The following HNRNPLL variants were observed in gnomAD, a reference collection of about 807,000 sequenced individuals.
HNRNPLL encodes heterogeneous nuclear ribonucleoprotein L like, also known as heterogeneous nuclear ribonucleoprotein L-like.
In HNRNPLL, 25 loss-of-function variants were observed where a neutral mutation model predicts 67.1. The observed-to-expected ratio is 0.37, with a 90% confidence interval of 0.27 to 0.52. The LOEUF (loss-of-function observed/expected upper bound fraction) is 0.52, where lower values mean the gene tolerates loss of function less well. HNRNPLL is among the 20% of genes least tolerant of loss of function. The pLI, the probability that HNRNPLL is intolerant of heterozygous loss-of-function variation, is 0.90. For missense variants in HNRNPLL, 542 were observed against 673.9 expected, an observed-to-expected ratio of 0.80 and a Z score of 2.17; for synonymous variants, 267 against 241.7, an observed-to-expected ratio of 1.10 and a Z score of -0.97.
intron 2 of HNRNPLL, among the ~76,000 whole-genome samples, chr2:38,588,459 G>A (rs1488597530): frequency 1.4e-5 from 2 of 146,694 alleles, no homozygotes; most frequent in African/African-American, 2.6e-5. Context: ...TGAGGCAGGA[G>A]AATCGCTTGA....
At chr2:38,580,988 C>T (rs1666506734) in intron 6 of HNRNPLL, 1 of 152,134 alleles carries the variant, frequency 6.6e-6, no homozygotes, top group Non-Finnish European at 1.5e-5. Context: ...ATATAATGCA[C>T]CTTTTCATTA....
intron 6 of HNRNPLL, chr2:38,581,597 G>C (rs1333795751): frequency 2.3e-6 from 1 of 429,654 alleles, no homozygotes; most frequent in Non-Finnish European, 4.1e-6. Context: ...TTTGCAGTTT[G>C]TAAGGAATAT....
intron 7 of HNRNPLL, among the ~76,000 whole-genome samples, chr2:38,576,792 A>G (rs1420295557): frequency 1.3e-5 from 2 of 151,930 alleles, no homozygotes; most frequent in Non-Finnish European, 2.9e-5. Flanking sequence ...GGTAGAGTCA[A>G]TAACTACCAC....
chr2:38,593,940 G>A (rs1386275076), intron 1 of HNRNPLL, among the ~76,000 whole-genome samples: 3 of 151,540 alleles, frequency 2.0e-5, no homozygotes, highest in Non-Finnish European at 2.9e-5. Flanking sequence ...TATGGGAGGC[G>A]AAGCCAGGTA....
chr2:38,573,388 C>G lies in HNRNPLL; in HGVS notation c.914G>C (p.Arg305Thr). The change falls in exon 8 of 13, where the codon AGA becomes ACA. Residue 305 changes from arginine (R) to threonine (T), a missense_variant. Physicochemically the swap from Arg to Thr is moderately conservative, Grantham distance 71 (BLOSUM62 -1). This residue lies in a region of HNRNPLL where 415 missense variants were observed against 575.2 expected (regional missense o/e 0.72). Transcript: ENST00000449105. The part of the protein sequence containing the change: ...GPLLPLPSRY[R>T]MGSRDTPELV... ...TTCAGGTGTATCTCGAGAGCCCATT[C>G]TGTAACGACTTGGTAAAGGCAATAA... is the stretch of plus-strand genomic sequence containing the variant. The G allele has an allele frequency of 6.2e-7, 1 of 1,611,460 alleles. No individual in the cohort carries two copies. The highest frequency in any genetic ancestry group is 8.5e-7 in the Non-Finnish European group (1 of 1,178,842).
intron 2 of HNRNPLL, among the ~76,000 whole-genome samples, chr2:38,586,855 A>T (rs1156911535): frequency 6.6e-6 from 1 of 152,196 alleles, no homozygotes; most frequent in Admixed American, 6.5e-5. Context: ...AAAACCCCAA[A>T]ATATAATACA....
chr2:38,577,903 C>T, intron 6 of HNRNPLL: 1 of 474,262 alleles, frequency 2.1e-6, no homozygotes. Flanking sequence ...AAGTGCAGTA[C>T]TTTTGAAAGA....
At chr2:38,581,627 C>T in intron 6 of HNRNPLL, 1 of 497,594 alleles carries the variant, frequency 2.0e-6, no homozygotes, top group Non-Finnish European at 3.5e-6. Flanking sequence ...GTTTCCTCTC[C>T]TCCAAAGAGA....
Position 38,562,305 on chromosome 2 carries a change from A to C in HNRNPLL, c.*1877T>G, listed in dbSNP as rs1220646084. On this transcript the variant is annotated 3_prime_UTR_variant, in exon 13 of 13. Transcript: ENST00000449105. ...CCAACTTACCAACTAGTTTACTCCC[A>C]AACAATTCACTTATTTTGGTGGAGA... is the stretch of plus-strand genomic sequence containing the variant. 1.3e-5 allele frequency: 2 copies of C among 152,192 alleles called. No homozygotes were observed. The highest frequency in any genetic ancestry group is 1.3e-4 in the Admixed American group (2 of 15,280). 9.4% of individuals were successfully genotyped at this position (152,192 alleles called of 1,614,324 possible). A position where few individuals can be genotyped will look rare whatever the true frequency, so the allele number is the denominator to read the frequency against.
Position 38,602,763 on chromosome 2 carries a change from C to G in HNRNPLL, c.-137G>C. The G allele has an allele frequency of 5.3e-6, 8 of 1,519,062 alleles. No homozygotes were observed. Among genetic ancestry groups the G allele is most frequent in the Non-Finnish European group, 7.1e-6 (8 of 1,132,846 alleles). 94.1% of individuals were successfully genotyped at this position (1,519,062 alleles called of 1,614,324 possible). A position where few individuals can be genotyped will look rare whatever the true frequency, so the allele number is the denominator to read the frequency against. Reference sequence around the variant, plus strand: ...TCCGCGGCCCGGCCGTCCGCGGGGACTGCGCGGCCAGGAGACTGGCGGCTG... The same window carrying G: ...TCCGCGGCCCGGCCGTCCGCGGGGAGTGCGCGGCCAGGAGACTGGCGGCTG... On this transcript the variant is annotated 5_prime_UTR_variant, in exon 1 of 13. Coordinates refer to ENST00000449105, the MANE Select transcript of HNRNPLL (RefSeq NM_138394.4).
rs1665843996 is a variant in HNRNPLL, at chr2:38,565,968, G to GC, written c.1574-1732_1574-1731insG. 7.0e-6 allele frequency: 6 copies of GC among 857,950 alleles called. No individual in the cohort carries two copies. The African/African-American group carries it at 1.1e-4, about 16-fold the overall frequency. 53.1% of individuals were successfully genotyped at this position (857,950 alleles called of 1,614,324 possible). Reference sequence around the variant, plus strand: ...TTATTCCAGCCATAAATCATTCATTGTTTTTTTTTCTCTTTTTTAAACCAT... The same window carrying GC: ...TTATTCCAGCCATAAATCATTCATTGCTTTTTTTTTCTCTTTTTTAAACCAT... On this transcript the variant is annotated intron_variant, in intron 12 of 12. Coordinates refer to ENST00000449105, the MANE Select transcript of HNRNPLL (RefSeq NM_138394.4).
intron 8 of HNRNPLL, 40 bp from the exon 9 acceptor site, chr2:38,569,965 C>T: frequency 2.0e-6 from 3 of 1,464,636 alleles, no homozygotes; most frequent in South Asian, 2.5e-5. Context: ...CATTTAATTC[C>T]CTTTTACAGT....
rs1666705233 is a variant in HNRNPLL at position 38,585,825 on chromosome 2, T to C, written c.365A>G (p.Asp122Gly). ...AAATGTCACACATTCTTTGGCACTA[T>C]CTATGTTTTCAAATTCCACTAGAGC... The part of the protein sequence containing the change: ...RQALVEFENI[D>G]SAKECVTFAA... Residue 122 changes from aspartate to glycine, a missense_variant, in exon 3 of 13, where the codon GAT becomes GGT. Asp to Gly is a moderately conservative substitution (Grantham distance 94). This residue lies in a region of HNRNPLL where 415 missense variants were observed against 575.2 expected (regional missense o/e 0.72). Coordinates refer to ENST00000449105, the MANE Select transcript of HNRNPLL (RefSeq NM_138394.4). 2 of 1,613,914 alleles carry C rather than the reference T, an allele frequency of 1.2e-6. No individual in the cohort carries two copies. Among genetic ancestry groups the C allele is most frequent in the African/African-American group, 1.3e-5 (1 of 74,930 alleles).
In HNRNPLL at chr2:38,577,446, AC is replaced by A. The variant is rs747443362; in HGVS notation, c.874+14del. Reference sequence around the variant, plus strand: ...AGTTCATCTATACTACCTTCTTTCTACCTTGACAACTTACCATAGCCATCAT... The same window carrying A: ...AGTTCATCTATACTACCTTCTTTCTACTTGACAACTTACCATAGCCATCAT... On this transcript the variant is annotated intron_variant, in intron 7 of 12. Coordinates refer to ENST00000449105, the MANE Select transcript of HNRNPLL (RefSeq NM_138394.4). The A allele has an allele frequency of 6.5e-7, 1 of 1,533,318 alleles. No homozygotes were observed. Among genetic ancestry groups the A allele is most frequent in the Admixed American group, 1.7e-5 (1 of 59,806 alleles). 95.0% of individuals were successfully genotyped at this position (1,533,318 alleles called of 1,614,324 possible). A position where few individuals can be genotyped will look rare whatever the true frequency, so the allele number is the denominator to read the frequency against.
chr2:38,595,573 A>G (rs775509025), intron 1 of HNRNPLL, among the ~76,000 whole-genome samples: 3 of 152,136 alleles, frequency 2.0e-5, no homozygotes, highest in Non-Finnish European at 4.4e-5. Context: ...GGCCGGGCGC[A>G]GTGGCTCACG....
chr2:38,566,865 A>G (rs1484886690), intron 12 of HNRNPLL, among the ~76,000 whole-genome samples: 1 of 151,770 alleles, frequency 6.6e-6, no homozygotes, highest in Non-Finnish European at 1.5e-5. Context: ...TAAAAATAAA[A>G]AAGTGCAACT....
At chr2:38,586,259 G>A (rs1666728178) in intron 2 of HNRNPLL, among the ~76,000 whole-genome samples, 2 of 152,114 alleles carry the variant, frequency 1.3e-5, no homozygotes, top group Admixed American at 6.6e-5. Context: ...CTGACCTCGT[G>A]ATCCGCCCAC....
At chr2:38,577,047 G>T (rs997717272) in intron 7 of HNRNPLL, among the ~76,000 whole-genome samples, 1 of 151,806 alleles carries the variant, frequency 6.6e-6, no homozygotes, top group Non-Finnish European at 1.5e-5. Context: ...CTAACCAGAA[G>T]CATGTTTCCT....
At chr2:38,583,107 T>G (rs1666596941) in intron 4 of HNRNPLL, among the ~76,000 whole-genome samples, 1 of 152,102 alleles carries the variant, frequency 6.6e-6, no homozygotes, top group Admixed American at 6.5e-5. Flanking sequence ...TACATGATTT[T>G]TACATATTTC....
Sources: gnomAD v4.1 joint callset for allele counts (sites outside exome capture counted in the v4.1 genomes callset) on GRCh38, gnomAD v4.1.1 for gene constraint, gnomAD v4.1.1 regional missense constraint, MANE v1.5 for transcripts, NCBI Gene and HGNC (gene_info 2026-07-23, HGNC 2026-07-21) for gene names.